PARG: variants seen among roughly 807,000 people sequenced by gnomAD.
The protein encoded by PARG is poly(ADP-ribose) glycohydrolase, also known as mitochondrial poly(ADP-ribose) glycohydrolase.
In PARG, 35 loss-of-function variants were observed where a neutral mutation model predicts 113.0. That is an observed-to-expected ratio of 0.31 (90% CI 0.24 to 0.41). PARG has a LOEUF of 0.41. Ranked by LOEUF, PARG falls within the 10% of genes least tolerant of loss-of-function variation. The pLI is 1.00. For missense variants in PARG, 797 were observed against 1,169.4 expected (o/e 0.68, Z 4.64); for synonymous variants, 330 against 409.9 (o/e 0.81, Z 2.36).
chr10:49,902,691 C>T (rs1848398357), intron 7 of PARG, among the ~76,000 whole-genome samples: 1 of 152,110 alleles, frequency 6.6e-6, no homozygotes, highest in Non-Finnish European at 1.5e-5. Context: ...GGTAAAAATG[C>T]TACACAACAA....
intron 8 of PARG, among the ~76,000 whole-genome samples, chr10:49,880,988 T>A (rs1847186666): frequency 6.6e-6 from 1 of 152,172 alleles, no homozygotes. Context: ...CCTTTCCAGG[T>A]GAGAATTAAG....
chr10:49,837,899 C>A (rs182420266), intron 15 of PARG, among the ~76,000 whole-genome samples: 1 of 152,076 alleles, frequency 6.6e-6, no homozygotes, highest in African/African-American at 2.4e-5. Flanking sequence ...AGGTGGGGAA[C>A]CCTCAAATTT....
chr10:49,910,929 G>A (rs1837143339), intron 7 of PARG, among the ~76,000 whole-genome samples: 1 of 152,060 alleles, frequency 6.6e-6, no homozygotes, highest in Non-Finnish European at 1.5e-5. Flanking sequence ...CAGCTTTAAT[G>A]TAAATTTCAC....
chr10:49,832,959 T>G, intron 15 of PARG, 51 bp from the exon 16 acceptor site: 1 of 894,806 alleles, frequency 1.1e-6, no homozygotes, highest in Non-Finnish European at 1.8e-6. Flanking sequence ...ACACTAACAG[T>G]GTTTCTGACT....
rs1171463545 is a variant in PARG, at chr10:49,932,689, T to C, written c.1272-406A>G. The stretch of plus-strand genomic sequence containing the variant: ...ACGGCAAAATATAAGCTTTGTAATA[T>C]GACACACCTGGATTTAAATCCCAGC... On this transcript the variant is annotated intron_variant, in intron 3 of 17. Transcript: ENST00000616448. Among the ~76,000 whole-genome samples the C allele has an allele frequency of 3.7e-3, 560 of 152,310 alleles. 2 individuals carry two copies. Among genetic ancestry groups the C allele is most frequent in the African/African-American group, 0.012 (518 of 41,536 alleles).
At chr10:49,917,488 C>CAAAA (rs71026277) in intron 6 of PARG, among the ~76,000 whole-genome samples, 1 of 47,640 alleles carries the variant, frequency 2.1e-5, no homozygotes, top group Non-Finnish European at 4.4e-5. Flanking sequence ...GACTCCGTCT[C>CAAAA]AAAAAAAAAA....
chr10:49,889,368 C>A (rs1429668774), intron 7 of PARG, among the ~76,000 whole-genome samples: 1 of 152,172 alleles, frequency 6.6e-6, no homozygotes, highest in East Asian at 1.9e-4. Flanking sequence ...GGGATAGCTA[C>A]TTCATTACCA....
At chr10:49,907,364 T>C (rs1290202208) in intron 7 of PARG, among the ~76,000 whole-genome samples, 1 of 152,174 alleles carries the variant, frequency 6.6e-6, no homozygotes, top group Non-Finnish European at 1.5e-5. Context: ...TTTTCTCTAC[T>C]AGTACTAATA....
intron 16 of PARG, among the ~76,000 whole-genome samples, chr10:49,823,599 C>G (rs1844213972): frequency 6.6e-6 from 1 of 152,048 alleles, no homozygotes; most frequent in Non-Finnish European, 1.5e-5. Context: ...TCAATACACC[C>G]TATTTCAAAA....
At chr10:49,886,858 G>A (rs1554840525) in intron 7 of PARG, among the ~76,000 whole-genome samples, 1 of 152,044 alleles carries the variant, frequency 6.6e-6, no homozygotes, top group African/African-American at 2.4e-5. Flanking sequence ...TTTATAATCT[G>A]CCTCTTTAAC....
At chr10:49,882,683 C>T (rs1371333692) in intron 8 of PARG, among the ~76,000 whole-genome samples, 1 of 149,780 alleles carries the variant, frequency 6.7e-6, no homozygotes, top group Non-Finnish European at 1.5e-5. Context: ...TTAAATGGCC[C>T]ACACCCAAAG....
intron 1 of PARG, among the ~76,000 whole-genome samples, chr10:49,937,230 A>G (rs1838791635): frequency 6.6e-6 from 1 of 152,210 alleles, no homozygotes; most frequent in Admixed American, 6.5e-5. Flanking sequence ...TAATCCCAAC[A>G]CTTTGGGAGG....
At chr10:49,850,157 T>C (rs1450989038) in intron 13 of PARG, among the ~76,000 whole-genome samples, 1 of 137,948 alleles carries the variant, frequency 7.2e-6, no homozygotes. Context: ...AAACAATGAG[T>C]CCAGAAATAA....
At chr10:49,853,330 C>A (rs1399678095) in intron 13 of PARG, among the ~76,000 whole-genome samples, 2 of 151,872 alleles carry the variant, frequency 1.3e-5, no homozygotes, top group Non-Finnish European at 2.9e-5. Flanking sequence ...GCCACTGCAC[C>A]CAGCCGGAAT....
chr10:49,878,623 TA>T lies in PARG; in HGVS notation c.1988+1049del, dbSNP rs554723081. Among the ~76,000 whole-genome samples, 1,007 of 132,826 alleles carry T rather than the reference TA, an allele frequency of 7.6e-3. 3 individuals carry two copies. The highest frequency in any genetic ancestry group is 0.01 in the Non-Finnish European group (648 of 62,090). The allele number at this position is 132,826 out of a possible 152,430, so 87.1% of individuals were successfully genotyped here. ...ACAGAGTGAAGCTCCGTCTTAAAAT[TA>T]AAAAAAAAAAAAAAAGTGGTGTTAC... On this transcript the variant is annotated intron_variant, in intron 9 of 17. Transcript: ENST00000616448.
Position 49,915,987 on chromosome 10 carries a change from G to C in PARG, c.1667C>G (p.Ala556Gly). 1 of 1,532,540 alleles carries C rather than the reference G, an allele frequency of 6.5e-7. No homozygotes were observed. Among genetic ancestry groups the C allele is most frequent in the Non-Finnish European group, 8.9e-7 (1 of 1,129,516 alleles). 94.9% of individuals were successfully genotyped at this position (1,532,540 alleles called of 1,614,324 possible). Residue 556 changes from alanine to glycine, a missense_variant, in exon 7 of 18, where the codon GCT becomes GGT. Physicochemically the swap from Ala to Gly is moderately conservative, Grantham distance 60. Around this residue, in one of 5 missense-constraint regions of PARG, gnomAD observed 252 missense variants for 437.4 expected, o/e 0.58. Transcript: ENST00000616448. The stretch of plus-strand genomic sequence containing the variant: ...ATATGCCACATTGTATTTCAGAATA[G>C]CATCCTGTGGAAAATGCAGAAACAA... Reference protein sequence around the residue: ...KFTRPQNLKDAILKYNVAYSK... With the variant: ...KFTRPQNLKDGILKYNVAYSK...
intron 4 of PARG, among the ~76,000 whole-genome samples, chr10:49,931,693 C>CA (rs1191457420): frequency 0.042 from 2,989 of 71,400 alleles, 63 homozygotes; most frequent in African/African-American, 0.064. Flanking sequence ...TGGTCTCCAG[C>CA]AAAAAAAAAA....
At chr10:49,846,260 C>A (rs1845502064) in intron 13 of PARG, among the ~76,000 whole-genome samples, 1 of 149,686 alleles carries the variant, frequency 6.7e-6, no homozygotes, top group African/African-American at 2.5e-5. Context: ...ACATGACATT[C>A]TAAAAAAAAG....
At chr10:49,904,884 C>T (rs1468609643) in intron 7 of PARG, among the ~76,000 whole-genome samples, 1 of 151,756 alleles carries the variant, frequency 6.6e-6, no homozygotes, top group South Asian at 2.1e-4. Flanking sequence ...CCACTGTACT[C>T]CAACCTGCGC....
Sources: allele counts gnomAD v4.1 joint callset (sites outside exome capture counted in the v4.1 genomes callset), GRCh38; gene constraint gnomAD v4.1.1; regional missense constraint gnomAD v4.1.1; transcripts MANE v1.5; gene names NCBI Gene and HGNC (gene_info 2026-07-23, HGNC 2026-07-21).